ZBTB20: variants seen among roughly 807,000 people sequenced by gnomAD.
ZBTB20 encodes the protein zinc finger and BTB domain containing 20.
A neutral mutation model predicts 56.9 loss-of-function variants in ZBTB20; 9 were observed. The ratio of observed to expected loss-of-function variants is 0.16; its 90% CI spans 0.10 to 0.28. The LOEUF (loss-of-function observed/expected upper bound fraction) is 0.28, where lower values mean the gene tolerates loss of function less well. ZBTB20 is among the 10% of genes least tolerant of loss of function. The probability of loss-of-function intolerance (pLI) is 1.00; values close to 1 mark genes in which losing one functional copy is unlikely to be tolerated. For synonymous variants in ZBTB20, 417 were observed against 420.7 expected (o/e 0.99, Z 0.11); for missense variants, 655 against 1,003.0 (o/e 0.65, Z 4.69).
chr3:115,135,862 C>A (rs563151360), intron 1 of ZBTB20, among the ~76,000 whole-genome samples: 1 of 152,058 alleles, frequency 6.6e-6, no homozygotes, highest in African/African-American at 2.4e-5. Flanking sequence ...ATAATTAAAC[C>A]TATTTTTTAA....
intron 1 of ZBTB20, among the ~76,000 whole-genome samples, chr3:115,134,566 A>G (rs1016330700): frequency 1.3e-5 from 2 of 151,856 alleles, no homozygotes; most frequent in African/African-American, 4.8e-5. Flanking sequence ...TCACTAATTC[A>G]TATTTCGACA....
In ZBTB20 at chr3:114,569,933, T is replaced by A. The variant is rs533138918; in HGVS notation, c.-294-69542A>T. ...TACTTCTAGAACTATAAAAGTAGTA[T>A]AGAAAAAATAAGAGGAATTAGACTT... is the stretch of plus-strand genomic sequence containing the variant. On this transcript the variant is annotated intron_variant, in intron 6 of 11. Transcript: ENST00000675478. 1.4e-4 allele frequency among the ~76,000 whole-genome samples: 21 copies of A among 152,230 alleles called. 1 individual carries two copies. In the South Asian group the frequency reaches 4.4e-3, roughly 32 times the overall value.
intron 3 of ZBTB20, among the ~76,000 whole-genome samples, chr3:114,905,581 G>A (rs1235553144): frequency 1.3e-5 from 2 of 151,942 alleles, no homozygotes; most frequent in South Asian, 2.1e-4. Flanking sequence ...AATGTTGCAT[G>A]AATTGTGTTA....
intron 7 of ZBTB20, among the ~76,000 whole-genome samples, chr3:114,438,925 C>T (rs924201589): frequency 2.6e-5 from 4 of 152,182 alleles, no homozygotes; most frequent in South Asian, 2.1e-4. Context: ...CAGAGCTACC[C>T]AGACCCAAAT....
intron 6 of ZBTB20, among the ~76,000 whole-genome samples, chr3:114,651,550 TAAAAAAAAAAAA>T (rs57059379): frequency 1.1e-5 from 1 of 91,416 alleles, no homozygotes; most frequent in Non-Finnish European, 2.6e-5. Context: ...GGTTGGATAG[TAAAAAAAAAAAA>T]AAAAAAAAAA....
intron 2 of ZBTB20, among the ~76,000 whole-genome samples, chr3:115,036,432 T>C (rs571374455): frequency 1.1e-4 from 17 of 152,058 alleles, no homozygotes; most frequent in Admixed American, 2.6e-4. Flanking sequence ...CCCGACTAGC[T>C]GGGACTACAG....
At chr3:114,357,832 T>C (rs1407286577) in intron 10 of ZBTB20, among the ~76,000 whole-genome samples, 1 of 152,236 alleles carries the variant, frequency 6.6e-6, no homozygotes, top group Non-Finnish European at 1.5e-5. Flanking sequence ...TAAGTTGAGC[T>C]GATACTATTT....
At chr3:114,564,112 C>A (rs78627996) in intron 6 of ZBTB20, among the ~76,000 whole-genome samples, 3,373 of 152,188 alleles carry the variant, frequency 0.022, 118 homozygotes, top group African/African-American at 0.07. Flanking sequence ...AGCAACGCAG[C>A]ATCTTTCAAT....
chr3:114,946,360 G>T (rs911948380), intron 3 of ZBTB20, among the ~76,000 whole-genome samples: 1 of 145,276 alleles, frequency 6.9e-6, no homozygotes, highest in Non-Finnish European at 1.5e-5. Flanking sequence ...TAACAAATAA[G>T]TATTATAAAA....
At chr3:114,955,499 CTA>C (rs1422038625) in intron 3 of ZBTB20, among the ~76,000 whole-genome samples, 3 of 152,182 alleles carry the variant, frequency 2.0e-5, no homozygotes, top group African/African-American at 7.2e-5. Context: ...CAACCACTCT[CTA>C]AAGACTGACA....
intron 1 of ZBTB20, among the ~76,000 whole-genome samples, chr3:115,134,438 C>T (rs1484113290): frequency 6.6e-6 from 1 of 151,986 alleles, no homozygotes; most frequent in African/African-American, 2.4e-5. Context: ...ACTGTAATTC[C>T]TATTATTCAC....
intron 7 of ZBTB20, among the ~76,000 whole-genome samples, chr3:114,406,366 G>A (rs942264202): frequency 6.6e-6 from 1 of 152,110 alleles, no homozygotes; most frequent in Non-Finnish European, 1.5e-5. Context: ...CTGGCTTCAG[G>A]AAGACATGAA....
chr3:115,057,155 C>G (rs558672051), intron 2 of ZBTB20, among the ~76,000 whole-genome samples: 52 of 152,214 alleles, frequency 3.4e-4, no homozygotes, highest in African/African-American at 1.2e-3. Flanking sequence ...TTGCAACTGT[C>G]ATTGCAATTA....
At chr3:115,123,162 T>G (rs1389451910) in intron 1 of ZBTB20, among the ~76,000 whole-genome samples, 1 of 152,146 alleles carries the variant, frequency 6.6e-6, no homozygotes, top group Non-Finnish European at 1.5e-5. Flanking sequence ...CCTAAGATAT[T>G]TGGTCAGCAA....
intron 4 of ZBTB20, among the ~76,000 whole-genome samples, chr3:114,806,521 C>A (rs2072118900): frequency 6.6e-6 from 1 of 151,880 alleles, no homozygotes; most frequent in Non-Finnish European, 1.5e-5. Flanking sequence ...AAATCGCAAT[C>A]TTGCAAATAT....
chr3:114,821,533 TG>T (rs1443164819), intron 4 of ZBTB20, among the ~76,000 whole-genome samples: 10 of 152,094 alleles, frequency 6.6e-5, no homozygotes, highest in African/African-American at 2.2e-4. Context: ...CCAAAATAAG[TG>T]CATGGAGTCA....
At chr3:114,363,023 A>C (rs566401396) in intron 10 of ZBTB20, among the ~76,000 whole-genome samples, 1 of 152,358 alleles carries the variant, frequency 6.6e-6, no homozygotes, top group Admixed American at 6.5e-5. Flanking sequence ...TGCAATATTT[A>C]GTGAAGGTCA....
At chr3:114,638,978 C>T (rs566232006) in intron 6 of ZBTB20, among the ~76,000 whole-genome samples, 22 of 151,996 alleles carry the variant, frequency 1.4e-4, no homozygotes, top group Non-Finnish European at 2.5e-4. Flanking sequence ...TGTCAAATAC[C>T]ACCAGCAATA....
intron 5 of ZBTB20, among the ~76,000 whole-genome samples, chr3:114,734,451 A>G (rs2065986654): frequency 6.6e-6 from 1 of 152,120 alleles, no homozygotes; most frequent in Non-Finnish European, 1.5e-5. Context: ...ACCATATAGT[A>G]TAGTACAGAA....
Sources: allele counts gnomAD v4.1 joint callset (sites outside exome capture counted in the v4.1 genomes callset), GRCh38; gene constraint gnomAD v4.1.1; transcripts MANE v1.5; gene names NCBI Gene and HGNC (gene_info 2026-07-23, HGNC 2026-07-21).